STPG2: variants seen among roughly 807,000 people sequenced by gnomAD.
STPG2 encodes the protein sperm-tail PG-rich repeat-containing protein 2.
In STPG2, 56 loss-of-function variants were observed where a neutral mutation model predicts 54.2. The ratio of observed to expected loss-of-function variants is 1.03; its 90% CI spans 0.83 to 1.29. STPG2 has a LOEUF of 1.29. STPG2 is among the 50% of genes most tolerant of loss of function. The pLI, the probability that STPG2 is intolerant of heterozygous loss-of-function variation, is 0.00. For missense variants in STPG2, 596 were observed against 544.9 expected, an observed-to-expected ratio of 1.09 and a Z score of -0.93; for synonymous variants, 200 against 181.8, an observed-to-expected ratio of 1.10 and a Z score of -0.81.
At chr4:97,612,109 C>A (rs1733745105) in intron 10 of STPG2, among the ~76,000 whole-genome samples, 1 of 151,356 alleles carries the variant, frequency 6.6e-6, no homozygotes, top group African/African-American at 2.4e-5. Context: ...TGAAAAATGG[C>A]ACTAATACAT....
intron 4 of STPG2, among the ~76,000 whole-genome samples, chr4:97,456,650 C>G (rs551372854): frequency 1.3e-5 from 2 of 151,890 alleles, no homozygotes; most frequent in African/African-American, 2.4e-5. Context: ...AATCCCAGCA[C>G]TTTGGGAGGC....
intron 3 of STPG2, among the ~76,000 whole-genome samples, chr4:98,118,954 A>G (rs1739595530): frequency 6.6e-6 from 1 of 152,168 alleles, no homozygotes; most frequent in Admixed American, 6.5e-5. Context: ...TAAATGGGGA[A>G]AAAATAAAGC....
At chr4:98,105,088 C>A (rs1452892262) in intron 5 of STPG2, among the ~76,000 whole-genome samples, 1 of 152,202 alleles carries the variant, frequency 6.6e-6, no homozygotes, top group Non-Finnish European at 1.5e-5. Flanking sequence ...AAATGCCAAG[C>A]TATAACCAAT....
intron 4 of STPG2, among the ~76,000 whole-genome samples, chr4:97,467,815 T>C (rs1466696468): frequency 6.6e-6 from 1 of 151,002 alleles, no homozygotes; most frequent in African/African-American, 2.4e-5. Context: ...AGTAAGAATA[T>C]GGCTGTTAGT....
In STPG2 at chr4:98,019,803, A is replaced by T. The variant is rs1391663559; in HGVS notation, c.613-38485T>A. ...AATTGTGAATGGGAGTTCACTCATG[A>T]TTTGGCTCTCTGTTTGTCTGTTGTT... On this transcript the variant is annotated intron_variant, in intron 5 of 10. Transcript: ENST00000295268. Among the ~76,000 whole-genome samples, 2 of 119,206 alleles carry T rather than the reference A, an allele frequency of 1.7e-5. 1 individual carries two copies. The highest frequency in any genetic ancestry group is 3.6e-5 in the Non-Finnish European group (2 of 54,906). The allele number at this position is 119,206 out of a possible 152,430, so 78.2% of individuals were successfully genotyped here. A position where few individuals can be genotyped will look rare whatever the true frequency, so the allele number is the denominator to read the frequency against.
chr4:98,022,704 A>T (rs971919182), intron 5 of STPG2, among the ~76,000 whole-genome samples: 22 of 152,120 alleles, frequency 1.4e-4, no homozygotes, highest in Admixed American at 5.9e-4. Context: ...TTTCTTGGAG[A>T]CTTTGTCCGT....
intron 10 of STPG2, among the ~76,000 whole-genome samples, chr4:97,680,219 G>A (rs963569358): frequency 2.6e-5 from 4 of 151,670 alleles, no homozygotes; most frequent in Non-Finnish European, 4.4e-5. Context: ...ACCTTGGGCA[G>A]TATGGCCATT....
intron 4 of STPG2, among the ~76,000 whole-genome samples, chr4:97,452,243 A>G (rs1434197359): frequency 1.3e-5 from 2 of 151,064 alleles, no homozygotes; most frequent in East Asian, 4.0e-4. Flanking sequence ...CAGGCTCAGA[A>G]ACGCCTGCTC....
intron 4 of STPG2, among the ~76,000 whole-genome samples, chr4:97,484,786 T>A (rs760338146): frequency 1.5e-4 from 23 of 151,888 alleles, no homozygotes; most frequent in Non-Finnish European, 3.1e-4. Context: ...ATATCCCTGA[T>A]GAACATAGAT....
intron 8 of STPG2, among the ~76,000 whole-genome samples, chr4:97,904,627 T>C (rs547595977): frequency 6.6e-5 from 10 of 152,134 alleles, no homozygotes; most frequent in African/African-American, 1.2e-4. Flanking sequence ...GACGAGCTGA[T>C]AGAAGAAGGA....
intron 1 of STPG2, among the ~76,000 whole-genome samples, chr4:98,142,728 CAT>C (rs35418265): frequency 0.27 from 41,066 of 151,966 alleles, 5,847 homozygotes; most frequent in Middle Eastern, 0.35. Context: ...TTTGGAGACT[CAT>C]ATATTATGTC....
At chr4:97,766,398 T>C (rs925529080) in intron 9 of STPG2, among the ~76,000 whole-genome samples, 3 of 152,038 alleles carry the variant, frequency 2.0e-5, no homozygotes, top group African/African-American at 7.2e-5. Flanking sequence ...TAAAATAGGG[T>C]ATAATAAATA....
chr4:97,892,271 G>A (rs1730799622), intron 8 of STPG2, among the ~76,000 whole-genome samples: 1 of 152,076 alleles, frequency 6.6e-6, no homozygotes, highest in Non-Finnish European at 1.5e-5. Flanking sequence ...AATGAGGCCA[G>A]ATAAGTAAGG....
chr4:97,564,160 T>C (rs1578391429), intron 10 of STPG2, among the ~76,000 whole-genome samples: 1 of 152,228 alleles, frequency 6.6e-6, no homozygotes, highest in Non-Finnish European at 1.5e-5. Context: ...GCTCTTCTTG[T>C]TGAATTGATC....
At chr4:97,767,105 TCA>T (rs770565706) in intron 9 of STPG2, among the ~76,000 whole-genome samples, 7 of 152,124 alleles carry the variant, frequency 4.6e-5, no homozygotes, top group Non-Finnish European at 7.4e-5. Context: ...AATTTAGAAG[TCA>T]CAGTTATTTT....
At chr4:97,631,690 A>T (rs1721285190) in intron 10 of STPG2, among the ~76,000 whole-genome samples, 1 of 152,044 alleles carries the variant, frequency 6.6e-6, no homozygotes, top group Non-Finnish European at 1.5e-5. Flanking sequence ...TCTCACAGCC[A>T]CCATATTAAA....
At chr4:97,494,803 T>G (rs1249576304) in intron 4 of STPG2, among the ~76,000 whole-genome samples, 1 of 151,566 alleles carries the variant, frequency 6.6e-6, no homozygotes, top group Admixed American at 6.6e-5. Flanking sequence ...CAACAATATC[T>G]TTCATTCCAC....
At chr4:97,724,828 A>C (rs1031983204) in intron 9 of STPG2, among the ~76,000 whole-genome samples, 1 of 152,176 alleles carries the variant, frequency 6.6e-6, no homozygotes, top group African/African-American at 2.4e-5. Flanking sequence ...TTATCAAGTT[A>C]AGAAAGTTAC....
At chr4:98,066,280 GAA>G (rs1737832818) in intron 5 of STPG2, among the ~76,000 whole-genome samples, 1 of 152,104 alleles carries the variant, frequency 6.6e-6, no homozygotes, top group Non-Finnish European at 1.5e-5. Context: ...AACATAAAGA[GAA>G]AAGTCACACT....
Sources: gnomAD v4.1 joint callset for allele counts (sites outside exome capture counted in the v4.1 genomes callset) on GRCh38, gnomAD v4.1.1 for gene constraint, MANE v1.5 for transcripts, NCBI Gene and HGNC (gene_info 2026-07-23, HGNC 2026-07-21) for gene names.